Variants in ARL17A observed in about 807,000 individuals in gnomAD.
ARL17A encodes the protein ADP-ribosylation factor-like 17-like.
the ARL17A span, among the ~76,000 whole-genome samples, chr17:46,501,581 A>G: frequency 2.0e-5 from 3 of 151,258 alleles, no homozygotes; most frequent in African/African-American, 7.4e-5. Flanking sequence ...ATCAGTCACA[A>G]ACTGCCTATT....
chr17:46,534,127 C>T (rs1159522834), intron 4 of ARL17A, among the ~76,000 whole-genome samples: 1 of 146,038 alleles, frequency 6.8e-6, no homozygotes, highest in Non-Finnish European at 1.5e-5. Flanking sequence ...AATGCTGTCA[C>T]CTCAGCCTCC....
intron 3 of ARL17A, among the ~76,000 whole-genome samples, chr17:46,558,497 C>T (rs1195610155): frequency 4.8e-5 from 6 of 123,898 alleles, no homozygotes; most frequent in Admixed American, 8.0e-5. Flanking sequence ...AGTGATTCTC[C>T]TGCCTCAGCC....
chr17:46,531,985 C>T lies in ARL17A; in HGVS notation c.336-3126G>A, dbSNP rs1268778459. Among the ~76,000 whole-genome samples, 11 of 147,960 alleles carry T rather than the reference C, an allele frequency of 7.4e-5. 1 individual carries two copies. The highest frequency in any genetic ancestry group is 1.8e-4 in the African/African-American group (7 of 38,326). On this transcript the variant is annotated intron_variant, in intron 4 of 4. Transcript: ENST00000329240. Reference sequence around the variant, plus strand: ...CATATTTTGCATCAATTCTTATAATCGTGTGAGATGTAGGGGGTCCACCTT... The same window carrying T: ...CATATTTTGCATCAATTCTTATAATTGTGTGAGATGTAGGGGGTCCACCTT...
chr17:46,526,381 A>G (rs2052758410), downstream of ARL17A, among the ~76,000 whole-genome samples: 1 of 100,394 alleles, frequency 1.0e-5, no homozygotes, highest in African/African-American at 4.0e-5. Flanking sequence ...ACAAGTTTAT[A>G]AAAAACAAAC....
the ARL17A span, among the ~76,000 whole-genome samples, chr17:46,500,775 G>C: frequency 1.1e-3 from 172 of 151,204 alleles, 13 homozygotes; most frequent in African/African-American, 4.0e-3. Flanking sequence ...TTCATCTAAT[G>C]TGTATTAATT....
At chr17:46,568,918 G>T (rs1335120093) in intron 3 of ARL17A, among the ~76,000 whole-genome samples, 4 of 132,270 alleles carry the variant, frequency 3.0e-5, no homozygotes, top group Non-Finnish European at 4.8e-5. Flanking sequence ...TAGAAAAGAT[G>T]TAGAAAGGAT....
chr17:46,531,932 G>A (rs4435298), intron 4 of ARL17A, among the ~76,000 whole-genome samples: 6 of 139,496 alleles, frequency 4.3e-5, no homozygotes, highest in East Asian at 2.1e-4. Context: ...GAGTCTTATC[G>A]TTTTGGCTCT....
At chr17:46,548,275 T>C (rs2056406076), downstream of ARL17A, 2 of 392,898 alleles carry the variant, frequency 5.1e-6, no homozygotes, top group Non-Finnish European at 4.1e-6. Context: ...CATCCCATCA[T>C]CTTTCATGAT....
chr17:46,530,348 T>G lies in ARL17A; in HGVS notation c.336-1489A>C, dbSNP rs1598376964. ...AAAGCCCTAGTTTGAGAATCCATAC[T>G]TAACCAGTCATGTGGCACTCACATT... On this transcript the variant is annotated intron_variant, in intron 4 of 4. Coordinates refer to the ARL17A transcript ENST00000329240. Among the ~76,000 whole-genome samples, 4 of 141,036 alleles carry G rather than the reference T, an allele frequency of 2.8e-5. No homozygotes were observed. In the South Asian group the frequency reaches 9.0e-4, roughly 32 times the overall value. 92.5% of individuals were successfully genotyped at this position (141,036 alleles called of 152,430 possible).
At chr17:46,575,545 G>C (rs909984351) in intron 2 of ARL17A, among the ~76,000 whole-genome samples, 1 of 121,464 alleles carries the variant, frequency 8.2e-6, no homozygotes, top group Non-Finnish European at 1.8e-5. Flanking sequence ...TAGCTGCGAG[G>C]AATGAGGGGC....
At chr17:46,534,436 A>G (rs563405893) in intron 4 of ARL17A, among the ~76,000 whole-genome samples, 534 of 148,814 alleles carry the variant, frequency 3.6e-3, no homozygotes, top group Non-Finnish European at 6.1e-3. Context: ...CTGTTTAACA[A>G]AGCACATCTT....
chr17:46,534,346 C>A (rs2054233447), intron 4 of ARL17A, among the ~76,000 whole-genome samples: 1 of 143,824 alleles, frequency 7.0e-6, no homozygotes, highest in Non-Finnish European at 1.5e-5. Context: ...ACCCTGCGGC[C>A]TTCCACAGTG....
intron 3 of ARL17A, among the ~76,000 whole-genome samples, chr17:46,541,673 A>G (rs1435856639): frequency 6.6e-6 from 1 of 150,970 alleles, no homozygotes; most frequent in Non-Finnish European, 1.5e-5. Flanking sequence ...TGGATGGGGA[A>G]TATTTGGAAA....
chr17:46,536,927 G>A (rs1193582140), intron 4 of ARL17A, among the ~76,000 whole-genome samples: 3 of 8,856 alleles, frequency 3.4e-4, no homozygotes, highest in Non-Finnish European at 4.8e-4. Flanking sequence ...TTTCCAAGGC[G>A]ACTACTGAGC....
chr17:46,544,790 A>C (rs1567974613), intron 3 of ARL17A, among the ~76,000 whole-genome samples: 2 of 109,372 alleles, frequency 1.8e-5, no homozygotes, highest in Non-Finnish European at 3.6e-5. Flanking sequence ...TCTTTTGCCC[A>C]AATTTACGTA....
rs2056929379 is a variant in ARL17A at position 46,552,899 on chromosome 17, A to C, written c.*4457T>G. On this transcript the variant is annotated 3_prime_UTR_variant, in exon 4 of 4. Coordinates refer to ENST00000336125, the MANE Select transcript of ARL17A (RefSeq NM_001113738.2). ...GACCTTGTCTTTATTAAAAATTAAAAAAAAAAATAGCCAGGTGTGGTAGTA... is the reference window on the plus strand; with the variant it reads ...GACCTTGTCTTTATTAAAAATTAAACAAAAAAATAGCCAGGTGTGGTAGTA... Among the ~76,000 whole-genome samples, 2 of 145,948 alleles carry C rather than the reference A, an allele frequency of 1.4e-5. No homozygotes were observed. Among genetic ancestry groups the C allele is most frequent in the African/African-American group, 5.4e-5 (2 of 37,108 alleles).
Position 46,556,768 on chromosome 17 carries a change from CA to C in ARL17A, c.*587del, listed in dbSNP as rs1319096265. The C allele has an allele frequency of 1.5e-5, 1 of 66,626 alleles. No individual in the cohort carries two copies. Among genetic ancestry groups the C allele is most frequent in the Non-Finnish European group, 2.6e-5 (1 of 39,142 alleles). The allele number at this position is 66,626 out of a possible 1,614,324, so 4.1% of individuals were successfully genotyped here. A position where few individuals can be genotyped will look rare whatever the true frequency, so the allele number is the denominator to read the frequency against. ...AAAAACAGCGAGATCATGTCTTTTGCAGGAACACAGATGGAGCTAGAGGCCA... is the reference window on the plus strand; with the variant it reads ...AAAAACAGCGAGATCATGTCTTTTGCGGAACACAGATGGAGCTAGAGGCCA... On this transcript the variant is annotated 3_prime_UTR_variant, in exon 4 of 4. Coordinates refer to ENST00000336125, the MANE Select transcript of ARL17A (RefSeq NM_001113738.2).
At chr17:46,550,352 A>T (rs1403094109), downstream of ARL17A, 1 of 487,274 alleles carries the variant, frequency 2.1e-6, no homozygotes, top group Non-Finnish European at 3.7e-6. Context: ...CTCACCTGGA[A>T]TACTGGGGTT....
At chr17:46,542,809 C>T (rs895378771) in intron 3 of ARL17A, among the ~76,000 whole-genome samples, 63 of 150,740 alleles carry the variant, frequency 4.2e-4, no homozygotes, top group Non-Finnish European at 7.9e-4. Context: ...CACCAGCCCC[C>T]ACAATATGGC....
Sources: gnomAD v4.1 joint callset for allele counts (sites outside exome capture counted in the v4.1 genomes callset) on GRCh38, gnomAD v4.1.1 for gene constraint, MANE v1.5 for transcripts, NCBI Gene and HGNC (gene_info 2026-07-23, HGNC 2026-07-21) for gene names.